The following FAM107A variants were observed in gnomAD, a reference collection of about 807,000 sequenced individuals.
FAM107A encodes the protein family with sequence similarity 107 member A.
In FAM107A, 19 loss-of-function variants were observed where a neutral mutation model predicts 13.7. The ratio of observed to expected loss-of-function variants is 1.38; its 90% CI spans 0.97 to 2.03. The LOEUF (loss-of-function observed/expected upper bound fraction) is 2.03, where lower values mean the gene tolerates loss of function less well. Among genes scored for constraint, FAM107A ranks in the 30% most tolerant of loss-of-function variants. The pLI is 0.00. For missense variants in FAM107A, 203 were observed against 184.4 expected, an observed-to-expected ratio of 1.10 and a Z score of -0.58; for synonymous variants, 82 against 74.5, an observed-to-expected ratio of 1.10 and a Z score of -0.52.
At chr3:58,584,961 T>C (rs777851520) in intron 1 of FAM107A, among the ~76,000 whole-genome samples, 11 of 152,256 alleles carry the variant, frequency 7.2e-5, no homozygotes, top group Non-Finnish European at 1.5e-4. Context: ...TTGCTTTGTT[T>C]GTGCGTTTTG....
chr3:58,617,884 C>T lies in FAM107A; in HGVS notation c.-70+9532G>A, dbSNP rs17059501. Among the ~76,000 whole-genome samples the T allele has an allele frequency of 0.071, 10,797 of 152,230 alleles. 416 individuals are homozygous for T. Among genetic ancestry groups the T allele is most frequent in the African/African-American group, 0.091 (3,791 of 41,530 alleles). On this transcript the variant is annotated intron_variant, in intron 1 of 3. Transcript: ENST00000465970. This position sits in a 1 kb window ranked among gnomAD's most constrained non-coding sequence, Gnocchi z 4.5. ...ACAAGATGAACAGCTTCAATCCTGACGCTTGAAAAACAAGTCCATGAGAAC... is the reference window on the plus strand; with the variant it reads ...ACAAGATGAACAGCTTCAATCCTGATGCTTGAAAAACAAGTCCATGAGAAC...
At chr3:58,600,160 A>G (rs1306832196) in intron 1 of FAM107A, among the ~76,000 whole-genome samples, 1 of 152,072 alleles carries the variant, frequency 6.6e-6, no homozygotes, top group Non-Finnish European at 1.5e-5. Context: ...TTTGCCTGAC[A>G]GGGGAAACCC....
At chr3:58,576,522 G>T (rs1423489525) in intron 1 of FAM107A, among the ~76,000 whole-genome samples, 1 of 152,226 alleles carries the variant, frequency 6.6e-6, no homozygotes, top group East Asian at 1.9e-4. Context: ...ACAGAACTAA[G>T]AGGGCCACTC....
In FAM107A at chr3:58,566,298, C is replaced by T. The variant is rs1047910422; in HGVS notation, c.*290G>A. The T allele has an allele frequency of 5.7e-6, 2 of 351,738 alleles. No homozygotes were observed. The highest frequency in any genetic ancestry group is 4.2e-5 in the African/African-American group (2 of 47,710). 21.8% of individuals were successfully genotyped at this position (351,738 alleles called of 1,614,324 possible). ...AGTCAGAGGGCCACCTCTTCCTCCT[C>T]AATTCTGCCAGAGAAAGCTCCTGTG... On this transcript the variant is annotated 3_prime_UTR_variant, in exon 4 of 4. Transcript: ENST00000360997.
At chr3:58,615,420 A>G (rs1443059439) in intron 1 of FAM107A, among the ~76,000 whole-genome samples, 3 of 152,174 alleles carry the variant, frequency 2.0e-5, no homozygotes, top group East Asian at 1.9e-4. Context: ...GTTTCAATAT[A>G]TAGTATTTTC....
chr3:58,566,822 C>T, intron 3 of FAM107A, 127 bp from the exon 4 acceptor site: 1 of 719,742 alleles, frequency 1.4e-6, no homozygotes, highest in Admixed American at 2.3e-5. Flanking sequence ...ATGAGTTTTG[C>T]TATCAGCCTG....
chr3:58,622,451 C>A (rs982803371), intron 1 of FAM107A, among the ~76,000 whole-genome samples: 1 of 60,640 alleles, frequency 1.6e-5, no homozygotes, highest in African/African-American at 4.0e-5. Flanking sequence ...ACCCCTATGC[C>A]CCCCCCAAAA....
intron 1 of FAM107A, among the ~76,000 whole-genome samples, chr3:58,576,501 A>G (rs1220858706): frequency 6.6e-6 from 1 of 152,162 alleles, no homozygotes; most frequent in Non-Finnish European, 1.5e-5. Flanking sequence ...TCCAGCAGGT[A>G]CTCACCACCA....
At position 58,617,082 on chromosome 3, in the gene FAM107A, A is replaced by G. The variant is rs888798122; in HGVS notation, c.-70+10334T>C. Among the ~76,000 whole-genome samples the G allele has an allele frequency of 1.3e-5, 2 of 152,068 alleles. No homozygotes were observed. Among genetic ancestry groups the G allele is most frequent in the Non-Finnish European group, 2.9e-5 (2 of 68,006 alleles). On this transcript the variant is annotated intron_variant, in intron 1 of 3. Coordinates refer to the FAM107A transcript ENST00000465970. This position sits in a 1 kb window ranked among gnomAD's most constrained non-coding sequence, Gnocchi z 4.5. ...CCACCGCGCCTGGCCTCGGCTACCCAGTTTCTGATCGTTTGTTATGGCCGC... is the reference window on the plus strand; with the variant it reads ...CCACCGCGCCTGGCCTCGGCTACCCGGTTTCTGATCGTTTGTTATGGCCGC...
At chr3:58,568,464 AC>A (rs1339278472) in intron 2 of FAM107A, among the ~76,000 whole-genome samples, 3 of 152,118 alleles carry the variant, frequency 2.0e-5, no homozygotes, top group Non-Finnish European at 4.4e-5. Flanking sequence ...AAGAAAAAAA[AC>A]AAGAGATCTG....
chr3:58,626,491 A>G (rs2066019026), intron 1 of FAM107A, among the ~76,000 whole-genome samples: 1 of 152,160 alleles, frequency 6.6e-6, no homozygotes, highest in African/African-American at 2.4e-5. Context: ...TTTCACAATG[A>G]TTTTCCAAGG....
At chr3:58,601,312 C>G (rs116426538) in intron 1 of FAM107A, among the ~76,000 whole-genome samples, 1,977 of 152,288 alleles carry the variant, frequency 0.013, 46 homozygotes, top group African/African-American at 0.044. Flanking sequence ...ATTTCTTATG[C>G]ATCTCTCCAG....
At chr3:58,595,131 C>T (rs2065686770) in intron 1 of FAM107A, among the ~76,000 whole-genome samples, 1 of 151,974 alleles carries the variant, frequency 6.6e-6, no homozygotes, top group Non-Finnish European at 1.5e-5. Context: ...TAGGTTCCCA[C>T]ACCCCCCCAG....
At chr3:58,619,367 A>G (rs2065932304) in intron 1 of FAM107A, among the ~76,000 whole-genome samples, 1 of 152,126 alleles carries the variant, frequency 6.6e-6, no homozygotes, top group Non-Finnish European at 1.5e-5. Context: ...AGGTGGGAGA[A>G]GTTAAGGTGC....
chr3:58,579,718 C>T (rs551887748), upstream of FAM107A, among the ~76,000 whole-genome samples: 2 of 152,190 alleles, frequency 1.3e-5, no homozygotes, highest in African/African-American at 4.8e-5. Context: ...ACAGCTCCTG[C>T]TCATCCCCGG....
chr3:58,603,758 T>C (rs2065771277), intron 1 of FAM107A, among the ~76,000 whole-genome samples: 1 of 152,146 alleles, frequency 6.6e-6, no homozygotes, highest in African/African-American at 2.4e-5. Context: ...GGTGATTGTC[T>C]GAGAAGGGTG....
intron 1 of FAM107A, among the ~76,000 whole-genome samples, chr3:58,596,430 C>T (rs2065707875): frequency 6.6e-6 from 1 of 152,142 alleles, no homozygotes; most frequent in Non-Finnish European, 1.5e-5. Context: ...GTAATCCCAG[C>T]ACTTTGGGAG....
rs2063611504 is a variant in FAM107A, at chr3:58,565,484, G to A, written c.*1104C>T. On this transcript the variant is annotated 3_prime_UTR_variant, in exon 4 of 4. Transcript: ENST00000360997. The stretch of plus-strand genomic sequence containing the variant: ...TTGGCTAGAATTGCATCGTAACAGT[G>A]TGGTCACACTGGTAAGAAATGCAGA... The A allele has an allele frequency of 8.3e-6, 1 of 120,202 alleles. No individual in the cohort carries two copies. Among genetic ancestry groups the A allele is most frequent in the Admixed American group, 1.2e-4 (1 of 8,508 alleles). The allele number at this position is 120,202 out of a possible 1,614,324, so 7.4% of individuals were successfully genotyped here. A position where few individuals can be genotyped will look rare whatever the true frequency, so the allele number is the denominator to read the frequency against.
At position 58,604,839 on chromosome 3, in the gene FAM107A, T is replaced by C. The variant is rs1426871367; in HGVS notation, c.-69-15570A>G. Among the ~76,000 whole-genome samples, 1 of 152,244 alleles carries C rather than the reference T, an allele frequency of 6.6e-6. No individual in the cohort carries two copies. The highest frequency in any genetic ancestry group is 1.5e-5 in the Non-Finnish European group (1 of 68,042). On this transcript the variant is annotated intron_variant, in intron 1 of 3. Transcript: ENST00000465970. The surrounding 1 kb of genome is among the most constrained non-coding windows in gnomAD (Gnocchi z 4.1). ...TGACTAAGGATCACATTTTCCTGTC[T>C]CTTTGCATGTCTAAACAATTTTGAT...
Sources: allele counts gnomAD v4.1 joint callset (sites outside exome capture counted in the v4.1 genomes callset), GRCh38; gene constraint gnomAD v4.1.1; non-coding constraint Gnocchi (gnomAD v3.1); transcripts MANE v1.5; gene names NCBI Gene and HGNC (gene_info 2026-07-23, HGNC 2026-07-21).